Variants in BCL2L11 observed in about 807,000 individuals in gnomAD.
BCL2L11 encodes the protein bcl-2-like protein 11.
In BCL2L11, 15 loss-of-function variants were observed where a neutral mutation model predicts 20.6. That is an observed-to-expected ratio of 0.73 (90% confidence interval 0.49 to 1.12). The LOEUF (loss-of-function observed/expected upper bound fraction) is 1.12. Among genes scored for constraint, BCL2L11 ranks in the 50% most tolerant of loss-of-function variants. The pLI, the probability that BCL2L11 is intolerant of heterozygous loss-of-function variation, is 0.00. For synonymous variants in BCL2L11, 108 were observed against 92.8 expected, an observed-to-expected ratio of 1.16 and a Z score of -0.94; for missense variants, 292 against 260.9, an observed-to-expected ratio of 1.12 and a Z score of -0.82.
chr2:111,144,644 G>T, intron 2 of BCL2L11: 1 of 1,225,666 alleles, frequency 8.2e-7, no homozygotes, highest in Non-Finnish European at 1.1e-6. Context: ...TTACAGAGTT[G>T]AATAAACATC....
At chr2:111,140,147 C>T (rs1272031990) in intron 2 of BCL2L11, among the ~76,000 whole-genome samples, 1 of 152,124 alleles carries the variant, frequency 6.6e-6, no homozygotes, top group African/African-American at 2.4e-5. Context: ...GTTGGAGCCC[C>T]GGGTTGAACT....
chr2:111,150,379 C>G (rs908527387), intron 3 of BCL2L11: 2 of 712,654 alleles, frequency 2.8e-6, no homozygotes, highest in Middle Eastern at 4.1e-4. Context: ...ATTTTATGAG[C>G]ACAGACTTTA....
chr2:111,131,241 TGGG>T (rs1194488535), intron 2 of BCL2L11: 3 of 3,260 alleles, frequency 9.2e-4, no homozygotes, highest in African/African-American at 1.4e-3. Flanking sequence ...GTGGGGGGGA[TGGG>T]GGGCGGGCGG....
intron 2 of BCL2L11, among the ~76,000 whole-genome samples, chr2:111,148,551 T>G (rs2076854590): frequency 6.6e-6 from 1 of 152,214 alleles, no homozygotes; most frequent in Admixed American, 6.5e-5. Flanking sequence ...ACAGGTACAA[T>G]CAAAGTAAAT....
intron 1 of BCL2L11, chr2:111,122,639 C>T (rs1488015053): frequency 1.0e-6 from 1 of 983,818 alleles, no homozygotes; most frequent in Middle Eastern, 5.2e-4. Context: ...AGGGGAGGAG[C>T]GGGAGGAGGC....
chr2:111,154,110 C>T (rs1318306284), intron 3 of BCL2L11, among the ~76,000 whole-genome samples: 3 of 152,138 alleles, frequency 2.0e-5, no homozygotes, highest in Admixed American at 6.5e-5. Flanking sequence ...TTTATATCTG[C>T]CCCACTTGTT....
chr2:111,146,949 A>G (rs1462977337), intron 2 of BCL2L11, among the ~76,000 whole-genome samples: 1 of 152,212 alleles, frequency 6.6e-6, no homozygotes, highest in Non-Finnish European at 1.5e-5. Context: ...AAATTCAGGA[A>G]ATAACTGTAT....
chr2:111,165,514 T>G lies in BCL2L11; in HGVS notation c.*1283T>G, dbSNP rs971111125. 1 of 152,250 alleles carries G rather than the reference T, an allele frequency of 6.6e-6. No individual in the cohort carries two copies. Among genetic ancestry groups the G allele is most frequent in the Non-Finnish European group, 1.5e-5 (1 of 68,078 alleles). The allele number at this position is 152,250 out of a possible 1,614,324, so 9.4% of individuals were successfully genotyped here. A position where few individuals can be genotyped will look rare whatever the true frequency, so the allele number is the denominator to read the frequency against. On this transcript the variant is annotated 3_prime_UTR_variant, in exon 4 of 4. Transcript: ENST00000393256. ...ATAATTCTGGGCAGAAGTCTGTTTTTTTTCATTTTTCCAGGACAGTTGGAT... is the reference window on the plus strand; with the variant it reads ...ATAATTCTGGGCAGAAGTCTGTTTTGTTTCATTTTTCCAGGACAGTTGGAT...
rs1397429390 is a variant in BCL2L11, at chr2:111,120,995, G to A, written c.-207G>A. On this transcript the variant is annotated 5_prime_UTR_variant, in exon 1 of 4. Coordinates refer to ENST00000393256, the MANE Select transcript of BCL2L11 (RefSeq NM_138621.5). Reference sequence around the variant, plus strand: ...CGCTGCCGCTGCCGCCGCCGCCGCCGCCGCCGCCGCCGCCGCCGCCGCCGC... The same window carrying A: ...CGCTGCCGCTGCCGCCGCCGCCGCCACCGCCGCCGCCGCCGCCGCCGCCGC... 1.3e-5 allele frequency: 5 copies of A among 397,708 alleles called. No individual in the cohort carries two copies. The highest frequency in any genetic ancestry group is 7.0e-4 in the Middle Eastern group (1 of 1,436). 24.6% of individuals were successfully genotyped at this position (397,708 alleles called of 1,614,324 possible). A position where few individuals can be genotyped will look rare whatever the true frequency, so the allele number is the denominator to read the frequency against.
At position 111,121,203 on chromosome 2, in the gene BCL2L11, A is replaced by T. The variant is rs1574829588; in HGVS notation, c.-14+15A>T. The T allele has an allele frequency of 4.6e-6, 1 of 215,236 alleles. No individual in the cohort carries two copies. The highest frequency in any genetic ancestry group is 1.0e-4 in the East Asian group (1 of 9,550). 13.3% of individuals were successfully genotyped at this position (215,236 alleles called of 1,614,324 possible). ...AGAAACGCAAGGTAAATACCTCCAA[A>T]TCCCGGGGCGCGGGCCTGGCACCGA... is the stretch of plus-strand genomic sequence containing the variant. On this transcript the variant is annotated intron_variant, in intron 1 of 3. Transcript: ENST00000393256.
At chr2:111,142,498 C>A in intron 2 of BCL2L11, 1 of 838,950 alleles carries the variant, frequency 1.2e-6, no homozygotes, top group Non-Finnish European at 1.9e-6. Flanking sequence ...AGTGTGTTAT[C>A]AATAATCATA....
rs1439286 is a variant in BCL2L11 at position 111,120,985 on chromosome 2, C to T, written c.-217C>T. ...CGTCCAGCGCCGCTGCCGCTGCCGC[C>T]GCCGCCGCCGCCGCCGCCGCCGCCG... On this transcript the variant is annotated 5_prime_UTR_variant, in exon 1 of 4. Coordinates refer to ENST00000393256, the MANE Select transcript of BCL2L11 (RefSeq NM_138621.5). The T allele has an allele frequency of 0.11, 5,882 of 52,432 alleles. 167 individuals are homozygous for T. Among genetic ancestry groups the T allele is most frequent in the African/African-American group, 0.43 (2,266 of 5,314 alleles). The allele number at this position is 52,432 out of a possible 1,614,324, so 3.2% of individuals were successfully genotyped here.
At chr2:111,150,783 C>T (rs944188857) in intron 3 of BCL2L11, among the ~76,000 whole-genome samples, 1 of 152,120 alleles carries the variant, frequency 6.6e-6, no homozygotes. Flanking sequence ...AAATTTTAGC[C>T]TATGTCATCT....
At chr2:111,153,320 A>G (rs1402510601) in intron 3 of BCL2L11, among the ~76,000 whole-genome samples, 1 of 152,164 alleles carries the variant, frequency 6.6e-6, no homozygotes, top group African/African-American at 2.4e-5. Flanking sequence ...CGCAGGTTGC[A>G]GTGAACTGAG....
In BCL2L11 at chr2:111,120,937, G is replaced by C. The variant is rs1225302936; in HGVS notation, c.-265G>C. On this transcript the variant is annotated 5_prime_UTR_variant, in exon 1 of 4. Transcript: ENST00000393256. ...TCACTTCGCTCCGCGCAGCCGCCTG[G>C]TCTGCAGTTTGTTGGAGCTCTGCGT... The C allele has an allele frequency of 2.2e-5, 8 of 361,220 alleles. No homozygotes were observed. The highest frequency in any genetic ancestry group is 2.4e-5 in the Non-Finnish European group (5 of 205,224). 22.4% of individuals were successfully genotyped at this position (361,220 alleles called of 1,614,324 possible).
At chr2:111,162,812 CTCTT>C (rs1368501101) in intron 3 of BCL2L11, 1 of 152,232 alleles carries the variant, frequency 6.6e-6, no homozygotes, top group Non-Finnish European at 1.5e-5. Flanking sequence ...TTGAATAAGT[CTCTT>C]TCAACCTATT....
At chr2:111,128,454 A>G (rs2150284110) in intron 2 of BCL2L11, among the ~76,000 whole-genome samples, 1 of 151,552 alleles carries the variant, frequency 6.6e-6, no homozygotes, top group Middle Eastern at 3.4e-3. Flanking sequence ...TTTTGGATAT[A>G]TACTTGGAAG....
chr2:111,165,850 A>G lies in BCL2L11; in HGVS notation c.*1619A>G, dbSNP rs898628922. 2 of 152,232 alleles carry G rather than the reference A, an allele frequency of 1.3e-5. No homozygotes were observed. The highest frequency in any genetic ancestry group is 4.8e-5 in the African/African-American group (2 of 41,470). 9.4% of individuals were successfully genotyped at this position (152,232 alleles called of 1,614,324 possible). ...TGTTTTGCCCGATAGAAGAGCCAGC[A>G]TGTTCACGTTATTTAAATTAGGTGG... On this transcript the variant is annotated 3_prime_UTR_variant, in exon 4 of 4. Transcript: ENST00000393256.
intron 3 of BCL2L11, chr2:111,151,839 A>G (rs1384331957): frequency 1.9e-6 from 3 of 1,549,292 alleles, no homozygotes; most frequent in African/African-American, 2.7e-5. Flanking sequence ...AACTCCTGGC[A>G]TCCTCCACCT....
Sources: allele counts gnomAD v4.1 joint callset (sites outside exome capture counted in the v4.1 genomes callset), GRCh38; gene constraint gnomAD v4.1.1; transcripts MANE v1.5; gene names NCBI Gene and HGNC (gene_info 2026-07-23, HGNC 2026-07-21).